Variants in EXOC2 observed in about 807,000 individuals in gnomAD.
EXOC2 encodes the protein exocyst complex component 2.
Under a neutral mutation model 131.8 loss-of-function variants are expected in EXOC2, and 70 were observed. The observed-to-expected ratio is 0.53, with a 90% CI of 0.44 to 0.65. The LOEUF is 0.65. Among genes scored for constraint, EXOC2 ranks in the 30% least tolerant of loss-of-function variants. The probability of loss-of-function intolerance (pLI) is 0.00; values close to 1 mark genes in which losing one functional copy is unlikely to be tolerated. For missense variants in EXOC2, 923 were observed against 1,108.6 expected (o/e 0.83, Z 2.38); for synonymous variants, 411 against 398.4 (o/e 1.03, Z -0.38).
chr6:682,293 G>A (rs1339579522), intron 1 of EXOC2, among the ~76,000 whole-genome samples: 2 of 149,808 alleles, frequency 1.3e-5, no homozygotes, highest in Admixed American at 6.7e-5. Context: ...TCTGCCTTCC[G>A]GGTTCATGCC....
chr6:638,853 C>A (rs1460317008), intron 1 of EXOC2, among the ~76,000 whole-genome samples: 1 of 152,172 alleles, frequency 6.6e-6, no homozygotes, highest in African/African-American at 2.4e-5. Flanking sequence ...TGCTTGAACC[C>A]AGGAGGCGGA....
chr6:591,419 A>G (rs912579045), intron 11 of EXOC2, among the ~76,000 whole-genome samples: 1 of 152,046 alleles, frequency 6.6e-6, no homozygotes, highest in Non-Finnish European at 1.5e-5. Context: ...TTGTGCTTGT[A>G]ACCTGTGCAC....
chr6:567,526 A>G (rs1758032703), intron 13 of EXOC2, among the ~76,000 whole-genome samples: 1 of 152,234 alleles, frequency 6.6e-6, no homozygotes, highest in African/African-American at 2.4e-5. Flanking sequence ...GGTCATGCTT[A>G]CTTTGGTGAC....
intron 7 of EXOC2, among the ~76,000 whole-genome samples, chr6:607,735 T>C (rs1199431535): frequency 1.3e-5 from 2 of 152,154 alleles, no homozygotes; most frequent in Non-Finnish European, 2.9e-5. Context: ...GAACACAGAG[T>C]TGAATATGCA....
At chr6:575,456 A>ACTCCCTCTCCACCCTCTCCCTCG (rs1758524025) in intron 12 of EXOC2, among the ~76,000 whole-genome samples, 2 of 97,598 alleles carry the variant, frequency 2.0e-5, no homozygotes, top group Admixed American at 1.2e-4. Context: ...CCTCTCCCTC[A>ACTCCCTCTCCACCCTCTCCCTCG]CTCCCTCTCC....
chr6:551,240 T>G (rs1227303659), intron 21 of EXOC2, among the ~76,000 whole-genome samples: 1 of 152,220 alleles, frequency 6.6e-6, no homozygotes, highest in Non-Finnish European at 1.5e-5. Flanking sequence ...CGCTCAGTGA[T>G]GTGCCTGAGG....
chr6:686,967 G>A (rs1562016058), intron 1 of EXOC2, among the ~76,000 whole-genome samples: 1 of 151,754 alleles, frequency 6.6e-6, no homozygotes, highest in Non-Finnish European at 1.5e-5. Context: ...TCATACAAGA[G>A]CACAGCATTA....
chr6:493,763 C>T (rs762540244), intron 25 of EXOC2, among the ~76,000 whole-genome samples: 11 of 152,152 alleles, frequency 7.2e-5, no homozygotes, highest in Non-Finnish European at 1.6e-4. Context: ...TTTAGACTCA[C>T]GACCTTTTTC....
intron 23 of EXOC2, among the ~76,000 whole-genome samples, chr6:511,221 C>T (rs1354589437): frequency 1.3e-5 from 2 of 152,192 alleles, no homozygotes; most frequent in South Asian, 2.1e-4. Flanking sequence ...CTGAGCGGGT[C>T]CCGCACCCCT....
chr6:684,268 T>C (rs533628873), intron 1 of EXOC2, among the ~76,000 whole-genome samples: 47 of 152,102 alleles, frequency 3.1e-4, no homozygotes, highest in African/African-American at 1.0e-3. Context: ...ATGTGTGGTT[T>C]AGAGAAGGGG....
intron 1 of EXOC2, among the ~76,000 whole-genome samples, chr6:651,425 G>A (rs370849925): frequency 3.9e-5 from 6 of 152,064 alleles, no homozygotes; most frequent in Middle Eastern, 6.8e-3. Flanking sequence ...AGGCTGAGGC[G>A]GGCAGATAAC....
chr6:495,578 C>T (rs955073611), intron 25 of EXOC2, among the ~76,000 whole-genome samples: 10 of 152,124 alleles, frequency 6.6e-5, no homozygotes, highest in South Asian at 6.2e-4. Flanking sequence ...TCATAGGGTA[C>T]GTATGTGTAT....
intron 1 of EXOC2, chr6:668,940 C>T (rs1763736694): frequency 1.3e-5 from 2 of 152,106 alleles, no homozygotes; most frequent in Admixed American, 1.3e-4. Flanking sequence ...TTGAATCTGT[C>T]CATGCAGAAC....
Position 499,702 on chromosome 6 carries a change from T to C in EXOC2, c.2381-2A>G. On this transcript the variant is annotated splice_acceptor_variant, in intron 23 of 27. Transcript: ENST00000230449. LOFTEE classifies it high-confidence loss of function. ...CTTCTTTTAAATAGTTTCTGACACC[T>C]GAAATTGAAATAAAGGAGAGAAAGA... The C allele has an allele frequency of 6.2e-7, 1 of 1,612,788 alleles. No individual in the cohort carries two copies. The highest frequency in any genetic ancestry group is 2.2e-5 in the East Asian group (1 of 44,840).
At chr6:572,754 G>GGAA in intron 12 of EXOC2, 110 bp from the exon 13 acceptor site, 1 of 1,355,370 alleles carries the variant, frequency 7.4e-7, no homozygotes. Flanking sequence ...ACATGCACTA[G>GGAA]GAATAGCCTG....
chr6:537,817 A>C (rs1295585793), intron 22 of EXOC2, among the ~76,000 whole-genome samples: 1 of 152,346 alleles, frequency 6.6e-6, no homozygotes, highest in Middle Eastern at 3.4e-3. Context: ...GGAGCAAAAG[A>C]AGCCAGATAC....
At chr6:650,741 A>C (rs1160725413) in intron 1 of EXOC2, among the ~76,000 whole-genome samples, 1 of 152,218 alleles carries the variant, frequency 6.6e-6, no homozygotes, top group Non-Finnish European at 1.5e-5. Context: ...AAACTGTAAA[A>C]TTATTTATGT....
chr6:661,436 C>T (rs147167609), intron 1 of EXOC2, among the ~76,000 whole-genome samples: 1 of 152,304 alleles, frequency 6.6e-6, no homozygotes, highest in African/African-American at 2.4e-5. Context: ...ATCAGATTAA[C>T]AGCAGATTTC....
At position 556,548 on chromosome 6, in the gene EXOC2, T is replaced by C. The variant is rs1270729546; in HGVS notation, c.1868A>G (p.Gln623Arg). 2 of 1,614,056 alleles carry C rather than the reference T, an allele frequency of 1.2e-6. No individual in the cohort carries two copies. Among genetic ancestry groups the C allele is most frequent in the African/African-American group, 2.7e-5 (2 of 74,906 alleles). ...GLTSLPCQFE[Q>R]CIVCSLQSLK... ...TGACTGCAGAGAACACACGATGCAC[T>C]GTTCAAACTGACATGGCTGAAGGGA... Residue 623 changes from glutamine (Q) to arginine (R), a missense_variant, in exon 18 of 28, where the codon CAG becomes CGG. Gln to Arg is a conservative substitution (Grantham distance 43). Coordinates refer to ENST00000230449, the MANE Select transcript of EXOC2 (RefSeq NM_018303.6).
Sources: allele counts gnomAD v4.1 joint callset (sites outside exome capture counted in the v4.1 genomes callset), GRCh38; gene constraint gnomAD v4.1.1; transcripts MANE v1.5; gene names NCBI Gene and HGNC (gene_info 2026-07-23, HGNC 2026-07-21).